TVP23A: variants seen among roughly 807,000 people sequenced by gnomAD.
The protein encoded by TVP23A is Golgi apparatus membrane protein TVP23 homolog A.
A neutral mutation model predicts 31.7 loss-of-function variants in TVP23A; 21 were observed. The ratio of observed to expected loss-of-function variants is 0.66; its 90% CI spans 0.47 to 0.95. The LOEUF (loss-of-function observed/expected upper bound fraction) is 0.95, where lower values mean the gene tolerates loss of function less well. Among genes scored for constraint, TVP23A ranks in the 40% least tolerant of loss-of-function variants. The pLI is 0.00. For missense variants in TVP23A, 279 were observed against 255.6 expected (o/e 1.09, Z -0.62); for synonymous variants, 104 against 96.0 (o/e 1.08, Z -0.49).
At chr16:10,808,532 C>T (rs1468112237) in intron 2 of TVP23A, 1 of 455,372 alleles carries the variant, frequency 2.2e-6, no homozygotes, top group Admixed American at 2.4e-5. Context: ...TGCAGTGGCT[C>T]ATACCTTTAA....
chr16:10,771,625 C>T, intron 6 of TVP23A, 45 bp downstream of exon 6: 1 of 1,604,946 alleles, frequency 6.2e-7, no homozygotes, highest in Non-Finnish European at 8.5e-7. Flanking sequence ...TTGACTTTGA[C>T]TACCTGGAGA....
In TVP23A at chr16:10,779,582, CGT is replaced by C. The variant is rs772372735; in HGVS notation, c.90-4488_90-4487del. ...CAGCACAGGGGCATGGCACCAGCTG[CGT>C]GTGTTCCCGGACCAACTGAGAATCA... On this transcript the variant is annotated intron_variant, in intron 2 of 7. Coordinates refer to ENST00000299866, the MANE Select transcript of TVP23A (RefSeq NM_001079512.4). The surrounding 1 kb of genome is among the most constrained non-coding windows in gnomAD (Gnocchi z 4.9). 3.3e-5 allele frequency among the ~76,000 whole-genome samples: 5 copies of C among 152,194 alleles called. No homozygotes were observed. Among genetic ancestry groups the C allele is most frequent in the African/African-American group, 9.7e-5 (4 of 41,432 alleles).
At chr16:10,773,120 G>A (rs1484920396) in intron 5 of TVP23A, among the ~76,000 whole-genome samples, 193 bp downstream of exon 5, 1 of 152,208 alleles carries the variant, frequency 6.6e-6, no homozygotes, top group East Asian at 1.9e-4. Context: ...TGGGATTATA[G>A]GCGTAAGCCA....
intron 2 of TVP23A, among the ~76,000 whole-genome samples, chr16:10,803,271 G>A (rs1293942588): frequency 6.6e-6 from 1 of 151,892 alleles, no homozygotes; most frequent in Admixed American, 6.6e-5. Flanking sequence ...GTGTGTGTGT[G>A]TGTGTGTGTG....
At chr16:10,811,687 G>A (rs543148886) in intron 2 of TVP23A, among the ~76,000 whole-genome samples, 93 of 152,048 alleles carry the variant, frequency 6.1e-4, no homozygotes, top group African/African-American at 2.1e-3. Context: ...GGCGGATCAC[G>A]AGGTCAGGAG....
At chr16:10,803,787 A>G (rs1237110223) in intron 2 of TVP23A, among the ~76,000 whole-genome samples, 7 of 152,142 alleles carry the variant, frequency 4.6e-5, no homozygotes, top group African/African-American at 1.7e-4. Context: ...TGTGGGAGCT[A>G]AGGAGAGATG....
At chr16:10,800,014 T>TC (rs1456192316) in intron 2 of TVP23A, among the ~76,000 whole-genome samples, 3 of 140,122 alleles carry the variant, frequency 2.1e-5, no homozygotes, top group African/African-American at 9.4e-5. Context: ...GGTTCTTTTT[T>TC]TTTTTTTTTT....
chr16:10,797,216 A>C (rs1303572709), intron 2 of TVP23A, among the ~76,000 whole-genome samples: 1 of 151,838 alleles, frequency 6.6e-6, no homozygotes, highest in Non-Finnish European at 1.5e-5. Context: ...AAGTTCAGAA[A>C]ATTCTATTGT....
chr16:10,790,460 A>G (rs1204942350), intron 2 of TVP23A, among the ~76,000 whole-genome samples: 1 of 151,584 alleles, frequency 6.6e-6, no homozygotes, highest in Non-Finnish European at 1.5e-5. Context: ...AATATTTTGC[A>G]TTTTTTAGTA....
Position 10,805,905 on chromosome 16 carries a change from G to A in TVP23A, c.89+12198C>T. ...TGGTTCTCAAAGAGGTGGGCGATCT[G>A]GAGTGTCCCCCAGCAATGTCTGGAG... On this transcript the variant is annotated intron_variant, in intron 2 of 7. Coordinates refer to ENST00000299866, the MANE Select transcript of TVP23A (RefSeq NM_001079512.4). 1.3e-5 allele frequency among the ~76,000 whole-genome samples: 2 copies of A among 152,082 alleles called. 1 individual carries two copies. Among genetic ancestry groups the A allele is most frequent in the East Asian group, 3.9e-4 (2 of 5,184 alleles).
chr16:10,764,529 C>G (rs1030236742), downstream of TVP23A, among the ~76,000 whole-genome samples: 1 of 149,656 alleles, frequency 6.7e-6, no homozygotes, highest in African/African-American at 2.5e-5. Flanking sequence ...ATTGGAGCAT[C>G]TCATTCTGCT....
rs998736471 is a variant in TVP23A at position 10,818,261 on chromosome 16, T to C, written c.10-79A>G. 7.5e-7 allele frequency: 1 copy of C among 1,325,282 alleles called. No homozygotes were observed. The highest frequency in any genetic ancestry group is 1.5e-5 in the African/African-American group (1 of 68,726). 82.1% of individuals were successfully genotyped at this position (1,325,282 alleles called of 1,614,324 possible). On this transcript the variant is annotated intron_variant, in intron 1 of 7. Transcript: ENST00000299866. This position sits in a 1 kb window ranked among gnomAD's most constrained non-coding sequence, Gnocchi z 4.7. The stretch of plus-strand genomic sequence containing the variant: ...CCCACCCGCCCTGTCCTCCTGGGCT[T>C]GGACTCCACTTGCACCCCACCGGGT...
At chr16:10,762,012 A>G (rs965425795), downstream of TVP23A, 4 of 602,932 alleles carry the variant, frequency 6.6e-6, no homozygotes, top group Middle Eastern at 4.4e-4. Flanking sequence ...CTGGCACCCC[A>G]AGAGGCCACC....
At chr16:10,806,459 G>A (rs143420713) in intron 2 of TVP23A, among the ~76,000 whole-genome samples, 3 of 152,200 alleles carry the variant, frequency 2.0e-5, no homozygotes, top group Non-Finnish European at 4.4e-5. Flanking sequence ...CCCAGATTAT[G>A]TGGGTCACAG....
intron 2 of TVP23A, among the ~76,000 whole-genome samples, chr16:10,804,061 A>G (rs1304821173): frequency 6.6e-6 from 1 of 152,246 alleles, no homozygotes; most frequent in African/African-American, 2.4e-5. Context: ...AGCAGCATAT[A>G]CAAAGGCCAG....
intron 2 of TVP23A, among the ~76,000 whole-genome samples, chr16:10,775,720 G>A (rs2031962505): frequency 6.6e-6 from 1 of 150,654 alleles, no homozygotes; most frequent in Non-Finnish European, 1.5e-5. Flanking sequence ...AGGGGAACAT[G>A]CTCATCCTGT....
rs558581136 is a variant in TVP23A, at chr16:10,777,427, G to A, written c.90-2331C>T. 1.4e-5 allele frequency among the ~76,000 whole-genome samples: 2 copies of A among 144,976 alleles called. No homozygotes were observed. The highest frequency in any genetic ancestry group is 3.1e-5 in the Non-Finnish European group (2 of 64,994). ...TGTGGGCTTTGGAAAATGCGGGGCC[G>A]AATGGGGTGGTCACAGAGATCCACA... On this transcript the variant is annotated intron_variant, in intron 2 of 7. Coordinates refer to ENST00000299866, the MANE Select transcript of TVP23A (RefSeq NM_001079512.4). This position sits in a 1 kb window ranked among gnomAD's most constrained non-coding sequence, Gnocchi z 4.5.
At chr16:10,763,814 G>T, downstream of TVP23A, 1 of 155,956 alleles carries the variant, frequency 6.4e-6, no homozygotes, top group Non-Finnish European at 1.4e-5. Flanking sequence ...GAAGGAGTGG[G>T]GGAAGGAACA....
chr16:10,818,691 A>T lies in TVP23A; in HGVS notation c.-198T>A. 2 of 561,970 alleles carry T rather than the reference A, an allele frequency of 3.6e-6. No individual in the cohort carries two copies. Among genetic ancestry groups the T allele is most frequent in the African/African-American group, 2.0e-5 (1 of 49,528 alleles). The allele number at this position is 561,970 out of a possible 1,614,324, so 34.8% of individuals were successfully genotyped here. A position where few individuals can be genotyped will look rare whatever the true frequency, so the allele number is the denominator to read the frequency against. On this transcript the variant is annotated 5_prime_UTR_variant, in exon 1 of 8. Coordinates refer to ENST00000299866, the MANE Select transcript of TVP23A (RefSeq NM_001079512.4). This position sits in a 1 kb window ranked among gnomAD's most constrained non-coding sequence, Gnocchi z 4.7. ...CGCTCGGGGCCTAAGGCGCAGTCGC[A>T]GGCTGGGGAGGGGGCTCGGCTCGCC...
Sources: gnomAD v4.1 joint callset for allele counts (sites outside exome capture counted in the v4.1 genomes callset) on GRCh38, gnomAD v4.1.1 for gene constraint, Gnocchi (gnomAD v3.1) non-coding constraint, MANE v1.5 for transcripts, NCBI Gene and HGNC (gene_info 2026-07-23, HGNC 2026-07-21) for gene names.